The following ANK1 variants were observed in gnomAD, a reference collection of about 807,000 sequenced individuals.
ANK1 encodes ankyrin-1.
Under a neutral mutation model 210.4 loss-of-function variants are expected in ANK1, and 51 were observed. The ratio of observed to expected loss-of-function variants is 0.24; its 90% CI spans 0.19 to 0.31. ANK1 has a LOEUF of 0.31. Among genes scored for constraint, ANK1 ranks in the 10% least tolerant of loss-of-function variants. The pLI is 1.00. For synonymous variants in ANK1, 967 were observed against 1,025.9 expected, an observed-to-expected ratio of 0.94 and a Z score of 1.10; for missense variants, 2,051 against 2,504.4, an observed-to-expected ratio of 0.82 and a Z score of 3.86.
intron 24 of ANK1, 31 bp downstream of exon 24, chr8:41,698,012 G>C (rs776184321): frequency 1.2e-6 from 2 of 1,610,678 alleles, no homozygotes. Context: ...TGCCCTCCAT[G>C]TGGGGAAACC....
rs183298329 is a variant in ANK1, at chr8:41,863,313, C to T, written c.126+33042G>A. ...GGCAGAGTTTGCAGTGAGCCGAGAT[C>T]GCACCACTGCACTCTAGCCTGGGCA... On this transcript the variant is annotated intron_variant, in intron 1 of 42. Coordinates refer to the ANK1 transcript ENST00000265709. Among the ~76,000 whole-genome samples, 9 of 151,892 alleles carry T rather than the reference C, an allele frequency of 5.9e-5. No individual in the cohort carries two copies. The East Asian group carries it at 1.4e-3, about 23-fold the overall frequency.
In ANK1 at chr8:41,661,489, T is replaced by C; in HGVS notation, c.5620A>G (p.Ser1874Gly). ...RKGAQIVKRA[S>G]LKRGKQ is the part of the protein sequence containing the mutation. ...GGTCACTGTTTCCCCCTTTTCAGGC[T>C]GGCCCGCTTCACTATCTGCGCCCCC... Residue 1874 changes from serine to glycine, a missense_variant, in exon 42 of 43, where the codon AGC becomes GGC. This residue lies in a region of ANK1 where 496 missense variants were observed against 533.4 expected (regional missense o/e 0.93). Transcript: ENST00000289734. 6.2e-7 allele frequency: 1 copy of C among 1,614,094 alleles called. No homozygotes were observed. Among genetic ancestry groups the C allele is most frequent in the Non-Finnish European group, 8.5e-7 (1 of 1,180,034 alleles).
chr8:41,849,778 T>C (rs998969562), intron 1 of ANK1, among the ~76,000 whole-genome samples: 1 of 152,238 alleles, frequency 6.6e-6, no homozygotes, highest in Non-Finnish European at 1.5e-5. Flanking sequence ...GCTCCTTTCG[T>C]CAGCACGTCA....
rs540867425 is a variant in ANK1 at position 41,759,016 on chromosome 8, C to A, written c.28-879G>T. Among the ~76,000 whole-genome samples the A allele has an allele frequency of 9.9e-4, 151 of 152,198 alleles. No homozygotes were observed. In the Middle Eastern group the frequency reaches 0.01, roughly 10 times the overall value. The stretch of plus-strand genomic sequence containing the variant: ...AAAGTGCTGGGATTACAGGCATAAG[C>A]CACCATACCCAGCCCTGTGTTTTTG... On this transcript the variant is annotated intron_variant, in intron 1 of 42. Coordinates refer to ENST00000289734, the MANE Select transcript of ANK1 (RefSeq NM_000037.4).
chr8:41,792,504 C>T (rs1847946953), intron 1 of ANK1, among the ~76,000 whole-genome samples: 1 of 152,210 alleles, frequency 6.6e-6, no homozygotes, highest in African/African-American at 2.4e-5. Flanking sequence ...AATTAATTCA[C>T]TTAACAAATC....
intron 1 of ANK1, among the ~76,000 whole-genome samples, chr8:41,814,691 ATTTTTATT>A (rs932269477): frequency 4.0e-5 from 6 of 151,046 alleles, no homozygotes; most frequent in African/African-American, 1.5e-4. Context: ...CTATTTATTT[ATTTTTATT>A]TTTTTATTTT....
At chr8:41,820,327 A>ATGTGTG (rs56359274) in intron 1 of ANK1, among the ~76,000 whole-genome samples, 9 of 142,946 alleles carry the variant, frequency 6.3e-5, no homozygotes, top group East Asian at 2.2e-4. Context: ...ACCAAGCTAA[A>ATGTGTG]TGTGTGTGTG....
intron 1 of ANK1, among the ~76,000 whole-genome samples, chr8:41,845,762 T>C (rs926375279): frequency 1.3e-5 from 2 of 152,190 alleles, no homozygotes; most frequent in Non-Finnish European, 2.9e-5. Flanking sequence ...GAATGTGTTT[T>C]TCTGTTCCCC....
chr8:41,737,160 G>A (rs1216159090), intron 2 of ANK1, among the ~76,000 whole-genome samples: 3 of 152,130 alleles, frequency 2.0e-5, no homozygotes, highest in Admixed American at 2.0e-4. Context: ...TTAGCCAGGT[G>A]TGGTGACACG....
intron 1 of ANK1, among the ~76,000 whole-genome samples, chr8:41,781,147 C>T (rs768113653): frequency 6.6e-6 from 1 of 152,212 alleles, no homozygotes; most frequent in Admixed American, 6.5e-5. Flanking sequence ...CTGGGGACTA[C>T]ATTTGGAAGG....
intron 1 of ANK1, among the ~76,000 whole-genome samples, chr8:41,810,615 T>C (rs191425602): frequency 1.3e-5 from 2 of 152,332 alleles, no homozygotes; most frequent in East Asian, 3.9e-4. Flanking sequence ...CTCTGAGTCA[T>C]CCAGAGTGGA....
chr8:41,841,501 T>C (rs1250619952), intron 1 of ANK1, among the ~76,000 whole-genome samples: 1 of 152,172 alleles, frequency 6.6e-6, no homozygotes, highest in Non-Finnish European at 1.5e-5. Context: ...CACCAAGCAC[T>C]GAAGCATTTG....
chr8:41,696,014 T>C (rs768147023), intron 26 of ANK1, among the ~76,000 whole-genome samples: 4 of 152,262 alleles, frequency 2.6e-5, no homozygotes, highest in Non-Finnish European at 4.4e-5. Context: ...AGTGGCCTTG[T>C]CTCTAGTGTC....
In ANK1 at chr8:41,732,632, C is replaced by T. The variant is rs144780974; in HGVS notation, c.228+1339G>A. 6.1e-3 allele frequency among the ~76,000 whole-genome samples: 921 copies of T among 152,112 alleles called. 2 individuals are homozygous for T. Among genetic ancestry groups the T allele is most frequent in the Non-Finnish European group, 9.3e-3 (631 of 67,998 alleles). On this transcript the variant is annotated intron_variant, in intron 3 of 42. Coordinates refer to ENST00000289734, the MANE Select transcript of ANK1 (RefSeq NM_000037.4). ...TTCGCCATGTTGGCTGGGCTGGTTT[C>T]GAACTCCTAACCGCAGATGATCTCC...
At chr8:41,726,332 C>T (rs760628152) in intron 5 of ANK1, among the ~76,000 whole-genome samples, 4 of 152,116 alleles carry the variant, frequency 2.6e-5, no homozygotes, top group African/African-American at 4.8e-5. Flanking sequence ...TTACTAACAC[C>T]GACCAAAGGC....
At chr8:41,732,051 T>G (rs1832311975) in intron 3 of ANK1, among the ~76,000 whole-genome samples, 1 of 152,260 alleles carries the variant, frequency 6.6e-6, no homozygotes. Flanking sequence ...TACCCATAAG[T>G]GCAATAAGAT....
Position 41,725,838 on chromosome 8 carries a change from T to A in ANK1, c.535A>T (p.Ile179Phe). 6.2e-7 allele frequency: 1 copy of A among 1,612,098 alleles called. No homozygotes were observed. Among genetic ancestry groups the A allele is most frequent in the Non-Finnish European group, 8.5e-7 (1 of 1,179,626 alleles). ...CGCGTGTCGTCGTTGCGGGCCGCGA[T>A]GTGCAGGGCCGGGAGGCGCACCTTC... ...KGKVRLPALH[I>F]AARNDDTRTA... Residue 179 changes from isoleucine (I) to phenylalanine (F), a missense_variant, in exon 6 of 43, where the codon ATC becomes TTC. Coordinates refer to ENST00000289734, the MANE Select transcript of ANK1 (RefSeq NM_000037.4).
chr8:41,822,898 G>C (rs994855798), intron 1 of ANK1, among the ~76,000 whole-genome samples: 2 of 152,238 alleles, frequency 1.3e-5, no homozygotes, highest in Non-Finnish European at 2.9e-5. Flanking sequence ...TGTCAGCCCT[G>C]TTTTATCCCA....
intron 1 of ANK1, among the ~76,000 whole-genome samples, chr8:41,786,310 CT>C (rs199787089): frequency 0.013 from 2,056 of 152,352 alleles, 58 homozygotes; most frequent in African/African-American, 0.047. Flanking sequence ...GGTGTTGCCC[CT>C]GAGCCCTGAG....
Sources: allele counts gnomAD v4.1 joint callset (sites outside exome capture counted in the v4.1 genomes callset), GRCh38; gene constraint gnomAD v4.1.1; regional missense constraint gnomAD v4.1.1; transcripts MANE v1.5; gene names NCBI Gene and HGNC (gene_info 2026-07-23, HGNC 2026-07-21).